SLC8A1: variants seen among roughly 807,000 people sequenced by gnomAD.
SLC8A1 encodes sodium/calcium exchanger 1.
Under a neutral mutation model 68.3 loss-of-function variants are expected in SLC8A1, and 18 were observed. The observed-to-expected ratio is 0.26, with a 90% CI of 0.18 to 0.39. The LOEUF (loss-of-function observed/expected upper bound fraction) is 0.39. Among genes scored for constraint, SLC8A1 ranks in the 10% least tolerant of loss-of-function variants. The pLI is 1.00. For missense variants in SLC8A1, 985 were observed against 1,156.7 expected (o/e 0.85, Z 2.15); for synonymous variants, 475 against 415.5 (o/e 1.14, Z -1.74).
Position 40,302,437 on chromosome 2 carries a change from T to TTGTGTG in SLC8A1, c.1809-124588_1809-124583dup, listed in dbSNP as rs60780425. Among the ~76,000 whole-genome samples the TTGTGTG allele has an allele frequency of 3.3e-3, 444 of 132,946 alleles. 4 individuals are homozygous for TTGTGTG. The highest frequency in any genetic ancestry group is 0.011 in the African/African-American group (415 of 37,116). The allele number at this position is 132,946 out of a possible 152,430, so 87.2% of individuals were successfully genotyped here. A position where few individuals can be genotyped will look rare whatever the true frequency, so the allele number is the denominator to read the frequency against. On this transcript the variant is annotated intron_variant, in intron 2 of 7. Coordinates refer to ENST00000406785, the Ensembl canonical transcript of SLC8A1. Reference sequence around the variant, plus strand: ...CTTTTTATGGCTGGGTAGTATTCCATTGTGTGTGTGTGTGTGTGTGTGTGT... The same window carrying TTGTGTG: ...CTTTTTATGGCTGGGTAGTATTCCATTGTGTGTGTGTGTGTGTGTGTGTGTGTGTGT...
intron 2 of SLC8A1, among the ~76,000 whole-genome samples, chr2:40,363,131 AG>A: frequency 6.6e-6 from 1 of 152,264 alleles, no homozygotes; most frequent in East Asian, 1.9e-4. Flanking sequence ...GGAATGAAAA[AG>A]GTTTTACTAC....
chr2:40,444,247 G>A (rs1209948451), intron 1 of SLC8A1, among the ~76,000 whole-genome samples: 1 of 152,140 alleles, frequency 6.6e-6, no homozygotes, highest in African/African-American at 2.4e-5. Flanking sequence ...GCTGAGCCAG[G>A]AGGATTACTT....
chr2:40,364,891 C>T (rs73926622), intron 2 of SLC8A1, among the ~76,000 whole-genome samples: 1,802 of 151,810 alleles, frequency 0.012, 35 homozygotes, highest in African/African-American at 0.04. Context: ...TGAGAAATGA[C>T]AGGGAACAGC....
rs1362299585 is a variant in SLC8A1, at chr2:40,284,792, C to T, written c.1809-106937G>A. On this transcript the variant is annotated intron_variant, in intron 2 of 7. Coordinates refer to ENST00000406785, the Ensembl canonical transcript of SLC8A1. ...TTAGAAATGTCATCCGTGCAAACAA[C>T]GGCTCACCAAGGACAAGTGCTGGTT... 3.9e-5 allele frequency among the ~76,000 whole-genome samples: 6 copies of T among 151,936 alleles called. 1 individual carries two copies. The East Asian group carries it at 5.8e-4, about 15-fold the overall frequency.
At chr2:40,228,058 A>G (rs6734505) in intron 2 of SLC8A1, among the ~76,000 whole-genome samples, 5,988 of 152,270 alleles carry the variant, frequency 0.039, 140 homozygotes, top group Non-Finnish European at 0.057. Context: ...TCTCTTTTCT[A>G]ATGCAATTAT....
Position 40,141,439 on chromosome 2 carries a change from G to A in SLC8A1, c.2162-1763C>T, listed in dbSNP as rs149455671. On this transcript the variant is annotated intron_variant, in intron 6 of 7. Coordinates refer to ENST00000406785, the Ensembl canonical transcript of SLC8A1. ...GGAATTATATGAATACACTTTGGGC[G>A]TCTGTGAAGAAAGCAGCCTCATCTT... Among the ~76,000 whole-genome samples the A allele has an allele frequency of 2.7e-3, 405 of 152,298 alleles. 2 individuals carry two copies. Among genetic ancestry groups the A allele is most frequent in the African/African-American group, 9.0e-3 (374 of 41,580 alleles).
intron 2 of SLC8A1, among the ~76,000 whole-genome samples, chr2:40,340,839 A>G (rs1044674040): frequency 6.6e-6 from 1 of 152,084 alleles, no homozygotes; most frequent in Non-Finnish European, 1.5e-5. Context: ...AGTTTGAAGG[A>G]GTTATTTCAG....
At chr2:40,136,792 T>C (rs2040575606) in intron 7 of SLC8A1, among the ~76,000 whole-genome samples, 2 of 152,194 alleles carry the variant, frequency 1.3e-5, no homozygotes, top group African/African-American at 2.4e-5. Context: ...AGAAATGTGA[T>C]GTTCATCCAA....
exon 8 of SLC8A1, chr2:40,108,259 C>G (rs2034336072): frequency 6.6e-6 from 1 of 151,432 alleles, no homozygotes; most frequent in African/African-American, 2.4e-5. Flanking sequence ...CTACAAATAA[C>G]TCAATAATTT....
Position 40,150,513 on chromosome 2 carries a change from A to G in SLC8A1, c.2161+10252T>C, listed in dbSNP as rs1246881699. ...ACACCTTGATTTGCAAGCAACAACTAAAACTGTATTCACATTGCAGCAGCC... is the reference window on the plus strand; with the variant it reads ...ACACCTTGATTTGCAAGCAACAACTGAAACTGTATTCACATTGCAGCAGCC... On this transcript the variant is annotated intron_variant, in intron 6 of 7. Coordinates refer to ENST00000406785, the Ensembl canonical transcript of SLC8A1. 3.9e-5 allele frequency among the ~76,000 whole-genome samples: 6 copies of G among 152,302 alleles called. No homozygotes were observed. The East Asian group carries it at 1.2e-3, about 29-fold the overall frequency.
At chr2:40,420,190 C>A (rs370667852) in intron 2 of SLC8A1, among the ~76,000 whole-genome samples, 3 of 151,964 alleles carry the variant, frequency 2.0e-5, no homozygotes. Flanking sequence ...AGATGAACTG[C>A]CATGCAGGTC....
chr2:40,238,330 G>T (rs533784063), intron 2 of SLC8A1, among the ~76,000 whole-genome samples: 66 of 152,324 alleles, frequency 4.3e-4, no homozygotes, highest in African/African-American at 1.4e-3. Context: ...TAAGCCCGTT[G>T]GAAAAGCGCA....
chr2:40,260,695 C>A (rs1294949949), intron 2 of SLC8A1, among the ~76,000 whole-genome samples: 1 of 150,306 alleles, frequency 6.7e-6, no homozygotes, highest in African/African-American at 2.4e-5. Context: ...ATATAGTCTG[C>A]TGAATTATTG....
chr2:40,282,430 C>T (rs2067662198), intron 2 of SLC8A1, among the ~76,000 whole-genome samples: 1 of 152,158 alleles, frequency 6.6e-6, no homozygotes, highest in African/African-American at 2.4e-5. Flanking sequence ...ATTGAGCATC[C>T]ATCTTACTGA....
Position 40,281,411 on chromosome 2 carries a change from A to C in SLC8A1, c.1809-103556T>G, listed in dbSNP as rs117116596. ...GTCAGCATTCTCAGTGCCTGAGTTG[A>C]AAGGTGCTATAAACAGAGAAAAGTC... is the stretch of plus-strand genomic sequence containing the variant. On this transcript the variant is annotated intron_variant, in intron 2 of 7. Transcript: ENST00000406785. Among the ~76,000 whole-genome samples, 63 of 152,346 alleles carry C rather than the reference A, an allele frequency of 4.1e-4. 1 individual carries two copies. In the East Asian group the frequency reaches 0.012, roughly 28 times the overall value.
chr2:40,270,543 T>G (rs72796662), intron 2 of SLC8A1, among the ~76,000 whole-genome samples: 47 of 152,324 alleles, frequency 3.1e-4, no homozygotes, highest in Non-Finnish European at 6.0e-4. Context: ...TCAGCAACAT[T>G]GCATCTCTCT....
chr2:40,408,088 T>A (rs557518882), intron 2 of SLC8A1, among the ~76,000 whole-genome samples: 32 of 152,344 alleles, frequency 2.1e-4, no homozygotes, highest in African/African-American at 6.7e-4. Flanking sequence ...AATGTCAGTT[T>A]AGCCACAGAA....
chr2:40,105,187 G>A (rs953807703), exon 8 of SLC8A1: 2 of 152,114 alleles, frequency 1.3e-5, no homozygotes, highest in Non-Finnish European at 2.9e-5. Context: ...ATTCCACTGG[G>A]AACCATGATA....
At chr2:40,195,086 G>A (rs541148465) in intron 2 of SLC8A1, among the ~76,000 whole-genome samples, 65 of 152,216 alleles carry the variant, frequency 4.3e-4, no homozygotes, top group African/African-American at 1.5e-3. Context: ...GTTCTCCAAA[G>A]GGACTGATCA....
Sources: allele counts gnomAD v4.1 joint callset (sites outside exome capture counted in the v4.1 genomes callset), GRCh38; gene constraint gnomAD v4.1.1; transcripts MANE v1.5; gene names NCBI Gene and HGNC (gene_info 2026-07-23, HGNC 2026-07-21).